Variants in CYP20A1 observed in about 807,000 individuals in gnomAD.
CYP20A1 encodes the protein cytochrome P450 family 20 subfamily A member 1, also known as cytochrome P450 20A1.
A neutral mutation model predicts 61.4 loss-of-function variants in CYP20A1; 61 were observed. The ratio of observed to expected loss-of-function variants is 0.99; its 90% confidence interval spans 0.81 to 1.23. CYP20A1 has a LOEUF of 1.23. CYP20A1 is among the 50% of genes most tolerant of loss of function. The probability of loss-of-function intolerance (pLI) is 0.00; values close to 1 mark genes in which losing one functional copy is unlikely to be tolerated. For synonymous variants in CYP20A1, 193 were observed against 188.2 expected, an observed-to-expected ratio of 1.03 and a Z score of -0.21; for missense variants, 530 against 542.4, an observed-to-expected ratio of 0.98 and a Z score of 0.23.
At chr2:203,285,779 C>T in intron 9 of CYP20A1, 47 bp downstream of exon 9, 2 of 1,464,852 alleles carry the variant, frequency 1.4e-6, no homozygotes, top group South Asian at 1.6e-5. Flanking sequence ...TAAATTTGAA[C>T]TGGTTTATCT....
intron 4 of CYP20A1, 87 bp downstream of exon 4, chr2:203,252,196 A>T: frequency 1.9e-6 from 2 of 1,056,154 alleles, no homozygotes; most frequent in Non-Finnish European, 2.6e-6. Context: ...TATCTTTGTT[A>T]CTCTTTTCTT....
chr2:203,287,181 T>C (rs1231246610), intron 9 of CYP20A1, among the ~76,000 whole-genome samples: 1 of 114,140 alleles, frequency 8.8e-6, no homozygotes, highest in Non-Finnish European at 1.6e-5. Context: ...ATCACACCAC[T>C]ACACTCCATC....
intron 1 of CYP20A1, among the ~76,000 whole-genome samples, chr2:203,240,050 C>T (rs1280573329): frequency 1.3e-5 from 2 of 152,116 alleles, no homozygotes; most frequent in Non-Finnish European, 2.9e-5. Context: ...GAGCCAAGAT[C>T]GCACCACTGC....
chr2:203,282,546 A>G (rs906400934), intron 8 of CYP20A1, among the ~76,000 whole-genome samples: 2 of 152,216 alleles, frequency 1.3e-5, no homozygotes, highest in Non-Finnish European at 2.9e-5. Flanking sequence ...TCTTTGCTAA[A>G]GACCTTTAAA....
At chr2:203,279,611 T>C (rs1310751262) in intron 7 of CYP20A1, among the ~76,000 whole-genome samples, 1 of 152,196 alleles carries the variant, frequency 6.6e-6, no homozygotes, top group Non-Finnish European at 1.5e-5. Flanking sequence ...GTTTGATATA[T>C]GTTGGTGCAG....
In CYP20A1 at chr2:203,289,762, C is replaced by A; in HGVS notation, c.972-3C>A. On this transcript the variant is annotated splice_polypyrimidine_tract_variant and splice_region_variant and intron_variant, in intron 9 of 12. Coordinates refer to ENST00000356079, the MANE Select transcript of CYP20A1 (RefSeq NM_177538.3). Reference sequence around the variant, plus strand: ...ATCTTCAAAAAAAATTTTTTTAAAACAGATATTGTCAGCATGTGCTTTGTG... The same window carrying A: ...ATCTTCAAAAAAAATTTTTTTAAAAAAGATATTGTCAGCATGTGCTTTGTG... The A allele has an allele frequency of 6.5e-7, 1 of 1,530,094 alleles. No homozygotes were observed. The highest frequency in any genetic ancestry group is 1.3e-5 in the South Asian group (1 of 76,564). 94.8% of individuals were successfully genotyped at this position (1,530,094 alleles called of 1,614,324 possible). A position where few individuals can be genotyped will look rare whatever the true frequency, so the allele number is the denominator to read the frequency against.
Position 203,292,543 on chromosome 2 carries a change from C to T in CYP20A1, c.1148+217C>T, listed in dbSNP as rs182649160. On this transcript the variant is annotated intron_variant, in intron 11 of 12. Coordinates refer to ENST00000356079, the MANE Select transcript of CYP20A1 (RefSeq NM_177538.3). ...GTGCAATCACTTCTCACTGCAGCTT[C>T]GACCTCTCTGACTCAAGCCATCCTT... Among the ~76,000 whole-genome samples the T allele has an allele frequency of 6.6e-5, 10 of 152,278 alleles. No individual in the cohort carries two copies. In the East Asian group the frequency reaches 1.2e-3, roughly 18 times the overall value.
At chr2:203,239,796 G>A (rs2066184054) in intron 1 of CYP20A1, among the ~76,000 whole-genome samples, 1 of 152,168 alleles carries the variant, frequency 6.6e-6, no homozygotes, top group Non-Finnish European at 1.5e-5. Context: ...GAGAGGGAGG[G>A]TCTGAAAACA....
At chr2:203,246,433 G>A (rs1372281255) in intron 2 of CYP20A1, among the ~76,000 whole-genome samples, 2 of 152,218 alleles carry the variant, frequency 1.3e-5, no homozygotes, top group South Asian at 2.1e-4. Context: ...TTCACCAGCC[G>A]ATGATGTCCA....
intron 7 of CYP20A1, among the ~76,000 whole-genome samples, chr2:203,279,178 G>A (rs1353461979): frequency 6.6e-6 from 1 of 152,110 alleles, no homozygotes; most frequent in Non-Finnish European, 1.5e-5. Context: ...TGTTGGCCAG[G>A]ATGGTCTCTA....
intron 4 of CYP20A1, among the ~76,000 whole-genome samples, chr2:203,258,074 G>A (rs2066991559): frequency 3.4e-5 from 2 of 58,494 alleles, no homozygotes; most frequent in South Asian, 9.7e-4. Context: ...GCTAATTTTT[G>A]TATTTTTATG....
intron 4 of CYP20A1, among the ~76,000 whole-genome samples, chr2:203,264,717 AT>A (rs36039340): frequency 0.93 from 140,802 of 151,970 alleles, 65,506 homozygotes; most frequent in Non-Finnish European, 0.96. Context: ...ATACTTTTAT[AT>A]TTTTTTTATA....
chr2:203,239,108 GTGGGAGC>G lies in CYP20A1; in HGVS notation c.47_53del (p.Val16AlafsTer32), dbSNP rs1476733514. The G allele has an allele frequency of 3.1e-6, 5 of 1,613,572 alleles. No individual in the cohort carries two copies. The highest frequency in any genetic ancestry group is 4.2e-6 in the Non-Finnish European group (5 of 1,179,800). ...CGCCGTTACCTTCTTGCTGGCGTTGGTGGGAGCCGTGCTCTACCTCTATCCGGTGAGC... is the reference window on the plus strand; with the variant it reads ...CGCCGTTACCTTCTTGCTGGCGTTGGCGTGCTCTACCTCTATCCGGTGAGC... On this transcript the variant is annotated frameshift_variant, in exon 1 of 13. Transcript: ENST00000356079. LOFTEE classifies it high-confidence loss of function.
chr2:203,289,978 T>A, intron 10 of CYP20A1, 102 bp downstream of exon 10: 1 of 436,400 alleles, frequency 2.3e-6, no homozygotes, highest in Non-Finnish European at 3.9e-6. Context: ...TTTGCTCTTG[T>A]CACCCAGGCT....
Position 203,303,468 on chromosome 2 carries a change from G to C in CYP20A1, c.*6560G>C, listed in dbSNP as rs1042809198. 1.3e-5 allele frequency among the ~76,000 whole-genome samples: 2 copies of C among 151,992 alleles called. No homozygotes were observed. Among genetic ancestry groups the C allele is most frequent in the African/African-American group, 4.8e-5 (2 of 41,396 alleles). Reference sequence around the variant, plus strand: ...TCCAGCACTTTGGGAGGCCAAGGCAGGTGAATCACTTGAGGCCAGGAGTTT... The same window carrying C: ...TCCAGCACTTTGGGAGGCCAAGGCACGTGAATCACTTGAGGCCAGGAGTTT... On this transcript the variant is annotated 3_prime_UTR_variant, in exon 13 of 13. Coordinates refer to ENST00000356079, the MANE Select transcript of CYP20A1 (RefSeq NM_177538.3).
rs2069027870 is a variant in CYP20A1, at chr2:203,301,697, C to T, written c.*4789C>T. Among the ~76,000 whole-genome samples the T allele has an allele frequency of 6.6e-6, 1 of 152,076 alleles. No homozygotes were observed. The highest frequency in any genetic ancestry group is 1.5e-5 in the Non-Finnish European group (1 of 68,026). On this transcript the variant is annotated 3_prime_UTR_variant, in exon 13 of 13. Transcript: ENST00000356079. ...ACTTACATAGTGCTTATTTGGCCCACAAAAGTACAGTTCCATTTTTTATAT... is the reference window on the plus strand; with the variant it reads ...ACTTACATAGTGCTTATTTGGCCCATAAAAGTACAGTTCCATTTTTTATAT...
intron 1 of CYP20A1, 122 bp downstream of exon 1, chr2:203,239,256 C>A: frequency 2.5e-6 from 2 of 801,664 alleles, no homozygotes; most frequent in Admixed American, 2.4e-5. Flanking sequence ...GGTTCGGGTT[C>A]GCTCCAGAGC....
chr2:203,267,239 A>G (rs909890817), intron 5 of CYP20A1, among the ~76,000 whole-genome samples: 1 of 152,178 alleles, frequency 6.6e-6, no homozygotes, highest in Non-Finnish European at 1.5e-5. Context: ...TTGCCTATCA[A>G]GAACAAGGCT....
chr2:203,250,816 G>A (rs1286525116), intron 3 of CYP20A1, among the ~76,000 whole-genome samples: 1 of 152,116 alleles, frequency 6.6e-6, no homozygotes, highest in Non-Finnish European at 1.5e-5. Flanking sequence ...TGTAATCCCA[G>A]CGCTTTGGGA....
Sources: allele counts gnomAD v4.1 joint callset (sites outside exome capture counted in the v4.1 genomes callset), GRCh38; gene constraint gnomAD v4.1.1; transcripts MANE v1.5; gene names NCBI Gene and HGNC (gene_info 2026-07-23, HGNC 2026-07-21).